Variants in SCAPER observed in about 807,000 individuals in gnomAD.
SCAPER encodes the protein S-phase cyclin A associated protein in the ER.
Under a neutral mutation model 182.2 loss-of-function variants are expected in SCAPER, and 98 were observed. The observed-to-expected ratio is 0.54, with a 90% CI of 0.46 to 0.64. The LOEUF is 0.64. Ranked by LOEUF, SCAPER falls within the 30% of genes least tolerant of loss-of-function variation. The pLI is 0.00. For missense variants in SCAPER, 1,432 were observed against 1,690.0 expected (o/e 0.85, Z 2.68); for synonymous variants, 605 against 564.6 (o/e 1.07, Z -1.01).
chr15:76,588,651 T>A (rs1315584982), intron 22 of SCAPER, among the ~76,000 whole-genome samples: 1 of 152,198 alleles, frequency 6.6e-6, no homozygotes, highest in African/African-American at 2.4e-5. Flanking sequence ...TGGTTGCCTG[T>A]ATAACTTGTT....
intron 21 of SCAPER, among the ~76,000 whole-genome samples, chr15:76,623,148 T>G (rs2052251551): frequency 6.6e-6 from 1 of 152,244 alleles, no homozygotes; most frequent in Admixed American, 6.5e-5. Context: ...ATTCTGGATA[T>G]TAAACCTTTG....
intron 25 of SCAPER, among the ~76,000 whole-genome samples, chr15:76,460,557 C>T (rs1441047793): frequency 6.6e-6 from 1 of 152,096 alleles, no homozygotes; most frequent in Non-Finnish European, 1.5e-5. Flanking sequence ...TTATGTCTTT[C>T]ACTAAAATTG....
At chr15:76,592,031 C>T (rs1458230241) in intron 22 of SCAPER, among the ~76,000 whole-genome samples, 1 of 152,106 alleles carries the variant, frequency 6.6e-6, no homozygotes, top group Non-Finnish European at 1.5e-5. Flanking sequence ...TTGCACACTA[C>T]CCTCGGCAAC....
At chr15:76,607,918 C>G (rs1360997319) in intron 22 of SCAPER, among the ~76,000 whole-genome samples, 1 of 152,144 alleles carries the variant, frequency 6.6e-6, no homozygotes, top group Non-Finnish European at 1.5e-5. Flanking sequence ...ATCCATTCGT[C>G]TAATTTTTTT....
chr15:76,440,945 G>A (rs1489700059), intron 25 of SCAPER, among the ~76,000 whole-genome samples: 8 of 121,660 alleles, frequency 6.6e-5, no homozygotes, highest in Non-Finnish European at 1.3e-4. Flanking sequence ...TTTTGGGGAC[G>A]GAGTCTGGCT....
intron 21 of SCAPER, among the ~76,000 whole-genome samples, chr15:76,652,371 C>CACACACATATATATATATATAT (rs764864981): frequency 1.2e-4 from 1 of 8,058 alleles, no homozygotes; most frequent in Non-Finnish European, 2.1e-4. Context: ...CACACACACA[C>CACACACATATATATATATATAT]ATATATATAT....
At chr15:76,726,213 A>C (rs1384075952) in intron 17 of SCAPER, among the ~76,000 whole-genome samples, 1 of 147,208 alleles carries the variant, frequency 6.8e-6, no homozygotes, top group Non-Finnish European at 1.5e-5. Flanking sequence ...AAAGGACCTA[A>C]GTGGTAACCT....
intron 23 of SCAPER, among the ~76,000 whole-genome samples, chr15:76,542,389 G>A (rs931113977): frequency 3.9e-5 from 6 of 151,908 alleles, no homozygotes; most frequent in Non-Finnish European, 7.4e-5. Context: ...TGGATGTGGT[G>A]GTGGCCACCT....
At chr15:76,394,487 T>G (rs1397836770) in intron 27 of SCAPER, among the ~76,000 whole-genome samples, 1 of 152,188 alleles carries the variant, frequency 6.6e-6, no homozygotes, top group Non-Finnish European at 1.5e-5. Flanking sequence ...CCTGAGAGAC[T>G]GGTGATACCA....
intron 5 of SCAPER, among the ~76,000 whole-genome samples, chr15:76,810,903 A>C (rs2066552962): frequency 6.6e-6 from 1 of 152,112 alleles, no homozygotes; most frequent in South Asian, 2.1e-4. Context: ...TCAAAGTAGA[A>C]TGTAAGGAAA....
At chr15:76,861,397 T>C (rs2071852019) in intron 3 of SCAPER, among the ~76,000 whole-genome samples, 1 of 152,190 alleles carries the variant, frequency 6.6e-6, no homozygotes, top group Non-Finnish European at 1.5e-5. Flanking sequence ...ACACATCATT[T>C]CTATAGAATT....
intron 21 of SCAPER, among the ~76,000 whole-genome samples, chr15:76,642,005 T>C (rs1351418588): frequency 3.3e-5 from 5 of 152,154 alleles, no homozygotes; most frequent in Admixed American, 6.5e-5. Context: ...TGAACCTCAG[T>C]GTTGTCATCC....
At chr15:76,875,398 C>T (rs2073065501) in intron 2 of SCAPER, among the ~76,000 whole-genome samples, 1 of 152,168 alleles carries the variant, frequency 6.6e-6, no homozygotes, top group African/African-American at 2.4e-5. Flanking sequence ...CCCAGAAAAA[C>T]TTTGGCAGGC....
At chr15:76,863,635 A>G (rs2072046368) in intron 2 of SCAPER, among the ~76,000 whole-genome samples, 4 of 152,178 alleles carry the variant, frequency 2.6e-5, no homozygotes, top group Admixed American at 2.6e-4. Flanking sequence ...ATGAATTAAC[A>G]AGTATGGTAG....
rs111882465 is a variant in SCAPER at position 76,572,889 on chromosome 15, ACTCT to A, written c.2838+1265_2838+1268del. Among the ~76,000 whole-genome samples the A allele has an allele frequency of 3.5e-4, 50 of 142,932 alleles. 1 individual carries two copies. The highest frequency in any genetic ancestry group is 1.1e-3 in the African/African-American group (42 of 38,182). 93.8% of individuals were successfully genotyped at this position (142,932 alleles called of 152,430 possible). On this transcript the variant is annotated intron_variant, in intron 23 of 31. Transcript: ENST00000563290. Reference sequence around the variant, plus strand: ...GCACTGTTTGCCCATGCTTGCGTGCACTCTCTCTCTCTCTCTCTCTCTCTCTCTC... The same window carrying A: ...GCACTGTTTGCCCATGCTTGCGTGCACTCTCTCTCTCTCTCTCTCTCTCTC...
chr15:76,822,603 T>C (rs184662536), intron 5 of SCAPER, among the ~76,000 whole-genome samples: 116 of 152,350 alleles, frequency 7.6e-4, no homozygotes, highest in South Asian at 4.8e-3. Flanking sequence ...CTAGGACATA[T>C]AGATCATCTG....
In SCAPER at chr15:76,354,081, G is replaced by C; in HGVS notation, c.3915C>G (p.Phe1305Leu). 5 of 1,611,214 alleles carry C rather than the reference G, an allele frequency of 3.1e-6. No homozygotes were observed. The highest frequency in any genetic ancestry group is 4.2e-6 in the Non-Finnish European group (5 of 1,179,098). The change falls in exon 30 of 32, where the codon TTC (phenylalanine) becomes TTG (leucine). Residue 1305 changes from phenylalanine (F) to leucine (L), a missense_variant. Around this residue, in one of 5 missense-constraint regions of SCAPER, gnomAD observed 718 missense variants for 799.7 expected, o/e 0.90. Transcript: ENST00000563290. This position sits in a 1 kb window ranked among gnomAD's most constrained non-coding sequence, Gnocchi z 4.4. The stretch of plus-strand genomic sequence containing the variant: ...TCAGCCGTGGGTCACTGAAATACTG[G>C]AAGGGCAACTGGCAGAGCTTCTGCA... ...TVLQKLCQLPFQYFSDPRLIK... is the reference protein window; with the variant it reads ...TVLQKLCQLPLQYFSDPRLIK...
intron 24 of SCAPER, among the ~76,000 whole-genome samples, chr15:76,476,708 A>G (rs570112062): frequency 7.4e-4 from 105 of 142,096 alleles, no homozygotes; most frequent in Non-Finnish European, 1.4e-3. Context: ...AGGCCTCCCA[A>G]AGTGTTGGGA....
intron 5 of SCAPER, among the ~76,000 whole-genome samples, chr15:76,828,189 T>C (rs2068165356): frequency 6.6e-6 from 1 of 151,498 alleles, no homozygotes; most frequent in Non-Finnish European, 1.5e-5. Flanking sequence ...AGAAATAAAT[T>C]TCTTATCTTT....
Sources: allele counts gnomAD v4.1 joint callset (sites outside exome capture counted in the v4.1 genomes callset), GRCh38; gene constraint gnomAD v4.1.1; regional missense constraint gnomAD v4.1.1; non-coding constraint Gnocchi (gnomAD v3.1); transcripts MANE v1.5; gene names NCBI Gene and HGNC (gene_info 2026-07-23, HGNC 2026-07-21).